The following CYP3A43 variants were observed in gnomAD, a reference collection of about 807,000 sequenced individuals.
CYP3A43 encodes cytochrome P450 3A43.
In CYP3A43, 45 loss-of-function variants were observed where a neutral mutation model predicts 58.0. That is an observed-to-expected ratio of 0.78 (90% CI 0.61 to 0.99). CYP3A43 has a LOEUF of 0.99. CYP3A43 is among the 50% of genes least tolerant of loss of function. The probability of loss-of-function intolerance (pLI) is 0.00; values close to 1 mark genes in which losing one functional copy is unlikely to be tolerated. For synonymous variants in CYP3A43, 191 were observed against 201.4 expected, an observed-to-expected ratio of 0.95 and a Z score of 0.44; for missense variants, 593 against 591.9, an observed-to-expected ratio of 1.00 and a Z score of -0.02.
At chr7:99,860,750 A>G (rs1818194995) in intron 10 of CYP3A43, among the ~76,000 whole-genome samples, 1 of 152,216 alleles carries the variant, frequency 6.6e-6, no homozygotes, top group Non-Finnish European at 1.5e-5. Flanking sequence ...TCCTGTTTAC[A>G]ACTCTCAGTA....
At chr7:99,848,068 T>C in intron 5 of CYP3A43, 98 bp from the exon 6 acceptor site, 1 of 1,179,500 alleles carries the variant, frequency 8.5e-7, no homozygotes, top group Non-Finnish European at 1.2e-6. Context: ...ACATGGTGAG[T>C]CATTACAAAA....
chr7:99,849,839 A>G (rs535455460), intron 7 of CYP3A43, 145 bp downstream of exon 7: 1 of 857,120 alleles, frequency 1.2e-6, no homozygotes, highest in South Asian at 1.8e-5. Context: ...ATTTAAAGAT[A>G]TGCACAACCA....
At chr7:99,848,301 G>C (rs140500492) in intron 6 of CYP3A43, 47 bp downstream of exon 6, 1 of 1,572,758 alleles carries the variant, frequency 6.4e-7, no homozygotes, top group Non-Finnish European at 8.7e-7. Context: ...AGCCCCTCCA[G>C]CTGCCTGCAG....
chr7:99,863,058 T>TAC (rs1205074641), intron 11 of CYP3A43, among the ~76,000 whole-genome samples: 5 of 152,190 alleles, frequency 3.3e-5, no homozygotes, highest in African/African-American at 1.2e-4. Context: ...ATGTTTGACA[T>TAC]ACACATAACT....
In CYP3A43 at chr7:99,848,253, G is replaced by T. The variant is rs776160563; in HGVS notation, c.520G>T (p.Asp174Tyr). 1.2e-6 allele frequency: 2 copies of T among 1,614,020 alleles called. No homozygotes were observed. Among genetic ancestry groups the T allele is most frequent in the Non-Finnish European group, 1.7e-6 (2 of 1,179,942 alleles). Residue 174 changes from aspartate to tyrosine, a missense_variant and splice_region_variant, in exon 6 of 13, where the codon GAT becomes TAT. Coordinates refer to ENST00000354829, the MANE Select transcript of CYP3A43 (RefSeq NM_057095.3). The part of the protein sequence containing the change: ...AENSKSINLK[D>Y]FFGAYTMDVI... The stretch of plus-strand genomic sequence containing the variant: ...GAACAGCAAGTCCATCAACTTGAAA[G>T]AGTAAGTAGCACAGTCTTGAGGTTC...
chr7:99,840,906 T>C (rs1441541089), intron 3 of CYP3A43, among the ~76,000 whole-genome samples: 1 of 152,210 alleles, frequency 6.6e-6, no homozygotes, highest in African/African-American at 2.4e-5. Context: ...CTAGAGCTTT[T>C]TATCACTCTA....
chr7:99,863,697 C>T lies in CYP3A43; in HGVS notation c.1414C>T (p.Gln472Ter), dbSNP rs1818334030. Residue 472 changes from glutamine to a stop codon, truncating the protein, a stop_gained and splice_region_variant, in exon 12 of 13, where the codon CAG becomes TAG. Transcript: ENST00000354829. LOFTEE classifies it low-confidence loss of function (END_TRUNC). ...NFSFKPCKET[Q>*]IPLKLDNLPI... ...CTCCTTCAAACCTTGTAAAGAGACTCAGGTCAGTAAACTTTCTTATAAATA... is the reference window on the plus strand; with the variant it reads ...CTCCTTCAAACCTTGTAAAGAGACTTAGGTCAGTAAACTTTCTTATAAATA... 6.3e-7 allele frequency: 1 copy of T among 1,584,242 alleles called. No homozygotes were observed. Among genetic ancestry groups the T allele is most frequent in the Non-Finnish European group, 8.6e-7 (1 of 1,165,976 alleles).
At position 99,849,661 on chromosome 7, in the gene CYP3A43, T is replaced by C. The variant is rs1283839227; in HGVS notation, c.637T>C (p.Leu213=). The change falls in exon 7 of 13, where the codon TTG becomes CTG. Residue 213 remains leucine (L), a synonymous_variant. Transcript: ENST00000354829. ...GAAAAATATGAAGAAGCTTTTAAAA[T>C]TGGATTTTTTGGATCCCTTTTTACT... ...FLKNMKKLLK[L]DFLDPFLLLI... The C allele has an allele frequency of 6.2e-7, 1 of 1,609,988 alleles. No individual in the cohort carries two copies. Among genetic ancestry groups the C allele is most frequent in the African/African-American group, 1.3e-5 (1 of 74,370 alleles).
chr7:99,836,468 A>T lies in CYP3A43; in HGVS notation c.87A>T (p.Ser29=), dbSNP rs1477305795. ...LVLLYIYGTH[S]HKLFKKLGIP... ...TATTTTATAGTTATGGGACCCATTC[A>T]CATAAACTTTTTAAGAAGCTGGGAA... Residue 29 remains serine, a synonymous_variant, in exon 2 of 13, where the codon TCA becomes TCT. Coordinates refer to ENST00000354829, the MANE Select transcript of CYP3A43 (RefSeq NM_057095.3). 1 of 1,610,564 alleles carries T rather than the reference A, an allele frequency of 6.2e-7. No homozygotes were observed. Among genetic ancestry groups the T allele is most frequent in the Admixed American group, 1.7e-5 (1 of 59,272 alleles).
intron 7 of CYP3A43, among the ~76,000 whole-genome samples, chr7:99,854,874 TTCTC>T (rs551745500): frequency 1.4e-4 from 21 of 152,246 alleles, no homozygotes; most frequent in African/African-American, 3.4e-4. Context: ...CAATTCTCTT[TTCTC>T]TCTCTCTCTT....
At chr7:99,859,692 C>T (rs1167892127) in intron 9 of CYP3A43, 138 bp from the exon 10 acceptor site, 1 of 1,082,602 alleles carries the variant, frequency 9.2e-7, no homozygotes, top group Non-Finnish European at 1.3e-6. Flanking sequence ...CAGAGTGAAG[C>T]CACCCGCAGT....
Position 99,849,055 on chromosome 7 carries a change from G to A in CYP3A43, c.522-491G>A, listed in dbSNP as rs531624900. Among the ~76,000 whole-genome samples the A allele has an allele frequency of 1.8e-4, 27 of 152,294 alleles. No individual in the cohort carries two copies. The South Asian group carries it at 3.1e-3, about 18-fold the overall frequency. ...CAGGAGGCTTATCAGGGAGTGCAGC[G>A]GAGACATGACGTTCACAGCAAGTCT... is the stretch of plus-strand genomic sequence containing the variant. On this transcript the variant is annotated intron_variant, in intron 6 of 12. Coordinates refer to ENST00000354829, the MANE Select transcript of CYP3A43 (RefSeq NM_057095.3).
chr7:99,847,683 C>A, intron 5 of CYP3A43, 82 bp downstream of exon 5: 3 of 1,585,784 alleles, frequency 1.9e-6, no homozygotes, highest in Non-Finnish European at 2.6e-6. Context: ...TAGTTCCTTT[C>A]TAATGGGTAG....
At chr7:99,836,280 C>T (rs1453271367) in intron 1 of CYP3A43, among the ~76,000 whole-genome samples, 173 bp from the exon 2 acceptor site, 1 of 152,118 alleles carries the variant, frequency 6.6e-6, no homozygotes, top group Non-Finnish European at 1.5e-5. Context: ...CTCTCTGATT[C>T]CTTAAAATCC....
Position 99,836,552 on chromosome 7 carries a change from T to G in CYP3A43, c.165+6T>G. ...CTATTTTGTTCTACCTTAGGGTAAG[T>G]GTTATTTGAGCTCCCTCTTTTGCTT... On this transcript the variant is annotated splice_donor_region_variant and intron_variant, in intron 2 of 12. Transcript: ENST00000354829. 6.4e-7 allele frequency: 1 copy of G among 1,568,004 alleles called. No homozygotes were observed. Among genetic ancestry groups the G allele is most frequent in the Non-Finnish European group, 8.6e-7 (1 of 1,163,422 alleles).
intron 4 of CYP3A43, among the ~76,000 whole-genome samples, chr7:99,847,155 C>T (rs780452005): frequency 1.3e-4 from 20 of 152,144 alleles, no homozygotes; most frequent in Non-Finnish European, 2.2e-4. Context: ...CTGCTTTGCA[C>T]AACCCTGGAG....
chr7:99,862,556 G>A (rs1337529509), intron 11 of CYP3A43, among the ~76,000 whole-genome samples: 2 of 152,138 alleles, frequency 1.3e-5, no homozygotes, highest in African/African-American at 4.8e-5. Context: ...GTTCTTCCTT[G>A]GAAGTGTTGG....
chr7:99,849,955 A>ACTTTTTTTT (rs1554444566), intron 7 of CYP3A43: 1 of 319,104 alleles, frequency 3.1e-6, no homozygotes, highest in African/African-American at 3.7e-5. Context: ...CTTCCTCACC[A>ACTTTTTTTT]TTTTTTTTTT....
intron 5 of CYP3A43, 35 bp downstream of exon 5, chr7:99,847,636 A>C: frequency 6.2e-7 from 1 of 1,610,844 alleles, no homozygotes; most frequent in Non-Finnish European, 8.5e-7. Context: ...TTAGAAACTT[A>C]AAGGATGAAT....
Sources: gnomAD v4.1 joint callset for allele counts (sites outside exome capture counted in the v4.1 genomes callset) on GRCh38, gnomAD v4.1.1 for gene constraint, MANE v1.5 for transcripts, NCBI Gene and HGNC (gene_info 2026-07-23, HGNC 2026-07-21) for gene names.